The following GNAS variants were observed in gnomAD, a reference collection of about 807,000 sequenced individuals.
GNAS encodes the protein GNAS complex locus.
GNAS carries 8 observed loss-of-function variants against 54.5 expected under a neutral mutation model. The observed-to-expected ratio is 0.15, with a 90% CI of 0.09 to 0.26. The LOEUF (loss-of-function observed/expected upper bound fraction) is 0.26, where lower values mean the gene tolerates loss of function less well. Among genes scored for constraint, GNAS ranks in the 10% least tolerant of loss-of-function variants. The pLI, the probability that GNAS is intolerant of heterozygous loss-of-function variation, is 1.00. For synonymous variants in GNAS, 204 were observed against 191.4 expected (o/e 1.07, Z -0.54); for missense variants, 170 against 529.8 (o/e 0.32, Z 6.67).
upstream of GNAS, chr20:58,888,933 C>A: frequency 4.1e-6 from 1 of 244,988 alleles, no homozygotes; most frequent in South Asian, 1.5e-4. Context: ...GTTGAGCGCC[C>A]ACCGCCTTGG....
chr20:58,854,816 C>A (rs1178415005), intron 1 of GNAS: 1 of 1,589,948 alleles, frequency 6.3e-7, no homozygotes, highest in South Asian at 1.1e-5. Context: ...CCTCTGCAGC[C>A]CCTGCCTCCG....
chr20:58,894,564 C>A (rs1698381963), intron 1 of GNAS, among the ~76,000 whole-genome samples: 1 of 152,208 alleles, frequency 6.6e-6, no homozygotes, highest in South Asian at 2.1e-4. Flanking sequence ...AAAAAAACTT[C>A]ACACGTGGAT....
At chr20:58,889,269 G>A (rs926697035), upstream of GNAS, 1 of 1,041,622 alleles carries the variant, frequency 9.6e-7, no homozygotes, top group Non-Finnish European at 1.2e-6. Flanking sequence ...CGGCGCGGCG[G>A]CTGGAGCGAG....
chr20:58,902,989 G>A, intron 3 of GNAS: 1 of 204,574 alleles, frequency 4.9e-6, no homozygotes, highest in Non-Finnish European at 1.0e-5. Flanking sequence ...GCCCGCCTCA[G>A]CCTCCCAAAG....
chr20:58,861,453 A>C (rs2086777969), intron 1 of GNAS, among the ~76,000 whole-genome samples: 1 of 152,180 alleles, frequency 6.6e-6, no homozygotes, highest in South Asian at 2.1e-4. Flanking sequence ...GATTTCATTA[A>C]ATTAGACTGA....
intron 5 of GNAS, among the ~76,000 whole-genome samples, chr20:58,904,748 A>G (rs757211921): frequency 3.3e-5 from 5 of 152,258 alleles, no homozygotes; most frequent in Admixed American, 6.5e-5. Flanking sequence ...AACTTTTTAA[A>G]TAGCATTATT....
At chr20:58,888,262 TACCTGGCCGCCTCGGCTCACCTGGGC>T (rs2088737662), upstream of GNAS, among the ~76,000 whole-genome samples, 1 of 152,140 alleles carries the variant, frequency 6.6e-6, no homozygotes, top group Non-Finnish European at 1.5e-5. Flanking sequence ...TTAGCCTGAT[TACCTGGCCGCCTCGGCTCACCTGGGC>T]ACATGGTGAG....
intron 3 of GNAS, 179 bp from the exon 4 acceptor site, chr20:58,903,352 G>A: frequency 2.9e-6 from 2 of 699,616 alleles, no homozygotes; most frequent in South Asian, 3.1e-5. Flanking sequence ...GGGCACATTT[G>A]GGAGGTTATA....
chr20:58,841,201 C>T lies in GNAS; in HGVS notation c.43+315C>T. Reference sequence around the variant, plus strand: ...TCCCGAACGCACCCCAGATTTGGAGCTGCACACCCAAACGGCATTGGTAAG... The same window carrying T: ...TCCCGAACGCACCCCAGATTTGGAGTTGCACACCCAAACGGCATTGGTAAG... On this transcript the variant is annotated intron_variant, in intron 1 of 12. Coordinates refer to the GNAS transcript ENST00000306090. The surrounding 1 kb of genome is among the most constrained non-coding windows in gnomAD (Gnocchi z 5.0). 3.4e-6 allele frequency: 2 copies of T among 585,402 alleles called. No homozygotes were observed. The highest frequency in any genetic ancestry group is 2.6e-5 in the South Asian group (1 of 38,482). 36.3% of individuals were successfully genotyped at this position (585,402 alleles called of 1,614,324 possible).
chr20:58,890,944 C>T (rs1159310249), upstream of GNAS, among the ~76,000 whole-genome samples: 1 of 151,690 alleles, frequency 6.6e-6, no homozygotes, highest in African/African-American at 2.4e-5. Context: ...AGTCCGGGCG[C>T]GCGCTCCCTC....
intron 6 of GNAS, among the ~76,000 whole-genome samples, chr20:58,908,072 C>G (rs1026490006): frequency 2.0e-5 from 3 of 152,276 alleles, no homozygotes; most frequent in Middle Eastern, 3.4e-3. Flanking sequence ...GTTAGTATAT[C>G]CTCTAAGCCA....
At position 58,855,154 on chromosome 20, in the gene GNAS, C is replaced by G. The variant is rs559616937; in HGVS notation, c.43+14268C>G. ...CGATCTGAGAGTCCCCAGCCCAAAG[C>G]CTCGCGCTCTCTCAAGGTCAAGAAG... On this transcript the variant is annotated intron_variant, in intron 1 of 12. Coordinates refer to the GNAS transcript ENST00000306090. The G allele has an allele frequency of 2.4e-5, 39 of 1,612,782 alleles. 2 individuals carry two copies. The South Asian group carries it at 4.3e-4, about 18-fold the overall frequency.
At chr20:58,855,417 G>T in intron 1 of GNAS, 1 of 1,261,782 alleles carries the variant, frequency 7.9e-7, no homozygotes, top group Non-Finnish European at 1.1e-6. Context: ...TGGGGCTAGG[G>T]GCTCCGCAGT....
In GNAS at chr20:58,910,839, C is replaced by G. The variant is rs1601173402; in HGVS notation, c.*10C>G. ...GTACGAGCTGCTCTAAGAAGGGAAC[C>G]CCCAAATTTAATTAAAGCCTTAAGC... On this transcript the variant is annotated 3_prime_UTR_variant, in exon 13 of 13. Transcript: ENST00000371085. This position sits in a 1 kb window ranked among gnomAD's most constrained non-coding sequence, Gnocchi z 5.8. 6.2e-7 allele frequency: 1 copy of G among 1,612,726 alleles called. No homozygotes were observed. Among genetic ancestry groups the G allele is most frequent in the Non-Finnish European group, 8.5e-7 (1 of 1,178,784 alleles).
At chr20:58,882,110 C>A (rs1183315026) in intron 1 of GNAS, among the ~76,000 whole-genome samples, 1 of 152,198 alleles carries the variant, frequency 6.6e-6, no homozygotes, top group African/African-American at 2.4e-5. Context: ...GGTTTGTCGC[C>A]CAGGCTGGAG....
intron 1 of GNAS, among the ~76,000 whole-genome samples, chr20:58,846,361 GC>G (rs2085940130): frequency 1.3e-5 from 2 of 152,118 alleles, no homozygotes; most frequent in Non-Finnish European, 2.9e-5. Context: ...ATTTTTAAAA[GC>G]CAAATATGGC....
At chr20:58,869,237 C>T (rs1041430971) in intron 1 of GNAS, among the ~76,000 whole-genome samples, 3 of 152,204 alleles carry the variant, frequency 2.0e-5, no homozygotes, top group African/African-American at 7.2e-5. Context: ...ATTGAAAAAA[C>T]AGGAGGGATG....
At position 58,854,188 on chromosome 20, in the gene GNAS, C is replaced by A. The variant is rs766422930; in HGVS notation, c.43+13302C>A. ...CCCTGGATGGAGATCTCCGGACCCC[C>A]GTTCGAGATTGGCAGCGCCCCCGCT... On this transcript the variant is annotated intron_variant, in intron 1 of 12. Coordinates refer to the GNAS transcript ENST00000306090. 10 of 1,612,954 alleles carry A rather than the reference C, an allele frequency of 6.2e-6. No individual in the cohort carries two copies. In the South Asian group the frequency reaches 1.1e-4, roughly 18 times the overall value.
At position 58,891,888 on chromosome 20, in the gene GNAS, G is replaced by A. The variant is rs547827509; in HGVS notation, c.139+23G>A. The A allele has an allele frequency of 6.3e-6, 7 of 1,117,030 alleles. No individual in the cohort carries two copies. The South Asian group carries it at 8.7e-5, about 14-fold the overall frequency. 69.2% of individuals were successfully genotyped at this position (1,117,030 alleles called of 1,614,324 possible). A position where few individuals can be genotyped will look rare whatever the true frequency, so the allele number is the denominator to read the frequency against. ...TGGGTAAGGGCGGGCGGGGGGCGCCGGCCCCGGCCCGGGGGCCCTCGAAGG... is the reference window on the plus strand; with the variant it reads ...TGGGTAAGGGCGGGCGGGGGGCGCCAGCCCCGGCCCGGGGGCCCTCGAAGG... On this transcript the variant is annotated intron_variant, in intron 1 of 12. Coordinates refer to ENST00000371085, the MANE Select transcript of GNAS (RefSeq NM_000516.7).
Sources: gnomAD v4.1 joint callset for allele counts (sites outside exome capture counted in the v4.1 genomes callset) on GRCh38, gnomAD v4.1.1 for gene constraint, Gnocchi (gnomAD v3.1) non-coding constraint, MANE v1.5 for transcripts, NCBI Gene and HGNC (gene_info 2026-07-23, HGNC 2026-07-21) for gene names.